Variants in SPECC1 observed in about 807,000 individuals in gnomAD.
The protein encoded by SPECC1 is sperm antigen with calponin homology and coiled-coil domains 1.
SPECC1 carries 62 observed loss-of-function variants against 104.1 expected under a neutral mutation model. That is an observed-to-expected ratio of 0.60 (90% CI 0.49 to 0.74). SPECC1 has a LOEUF of 0.74. SPECC1 is among the 30% of genes least tolerant of loss of function. SPECC1 has a pLI of 0.00. For synonymous variants in SPECC1, 513 were observed against 501.6 expected (o/e 1.02, Z -0.30); for missense variants, 1,306 against 1,310.5 (o/e 1.00, Z 0.05).
chr17:20,235,378 T>A (rs1441204436), intron 7 of SPECC1, among the ~76,000 whole-genome samples: 1 of 152,198 alleles, frequency 6.6e-6, no homozygotes, highest in Non-Finnish European at 1.5e-5. Flanking sequence ...AATAACTTTT[T>A]CAGCTCTGGC....
At chr17:20,098,410 C>G (rs1353586359) in intron 2 of SPECC1, among the ~76,000 whole-genome samples, 1 of 152,254 alleles carries the variant, frequency 6.6e-6, no homozygotes, top group African/African-American at 2.4e-5. Flanking sequence ...CCCCACCCTT[C>G]TGTGCCCTAG....
chr17:20,157,145 G>T (rs1310011592), intron 3 of SPECC1, among the ~76,000 whole-genome samples: 1 of 152,188 alleles, frequency 6.6e-6, no homozygotes, highest in Non-Finnish European at 1.5e-5. Context: ...GCTGGGTGCC[G>T]TGCTGTAGGA....
intron 1 of SPECC1, among the ~76,000 whole-genome samples, chr17:20,078,178 C>T (rs192402785): frequency 3.3e-4 from 50 of 150,348 alleles, no homozygotes; most frequent in African/African-American, 1.0e-3. Flanking sequence ...TCTTGGGAGA[C>T]AGGAAAGGTT....
intron 4 of SPECC1, among the ~76,000 whole-genome samples, chr17:20,210,306 A>G (rs1184515629): frequency 6.6e-6 from 1 of 151,952 alleles, no homozygotes; most frequent in African/African-American, 2.4e-5. Context: ...GCCAGGGGAC[A>G]CTCCCTCCAC....
At chr17:20,220,100 C>G (rs1402824756) in intron 4 of SPECC1, among the ~76,000 whole-genome samples, 1 of 152,066 alleles carries the variant, frequency 6.6e-6, no homozygotes, top group Admixed American at 6.5e-5. Context: ...AATTTGAAGT[C>G]AGATAATGTG....
At chr17:20,156,734 C>T (rs541559431) in intron 3 of SPECC1, among the ~76,000 whole-genome samples, 2 of 152,298 alleles carry the variant, frequency 1.3e-5, no homozygotes, top group Non-Finnish European at 2.9e-5. Context: ...TCGGGCGCGC[C>T]TCTGGTTATC....
At chr17:20,183,788 A>G (rs1416586867) in intron 3 of SPECC1, among the ~76,000 whole-genome samples, 1 of 152,026 alleles carries the variant, frequency 6.6e-6, no homozygotes, top group African/African-American at 2.4e-5. Flanking sequence ...TCCCCCAAAT[A>G]TGTTCTATCT....
At position 20,314,662 on chromosome 17, in the gene SPECC1, C is replaced by A; in HGVS notation, c.*597C>A. On this transcript the variant is annotated 3_prime_UTR_variant, in exon 15 of 15. Coordinates refer to ENST00000395527, the MANE Select transcript of SPECC1 (RefSeq NM_001243439.2). ...CTCAAAAAAATGATAAAACCCAAAA[C>A]TTTGCCCTTGTGAACCCTCCCTTCC... 4.4e-6 allele frequency: 1 copy of A among 228,126 alleles called. No homozygotes were observed. Among genetic ancestry groups the A allele is most frequent in the Non-Finnish European group, 8.6e-6 (1 of 115,648 alleles). The allele number at this position is 228,126 out of a possible 1,614,324, so 14.1% of individuals were successfully genotyped here.
intron 3 of SPECC1, among the ~76,000 whole-genome samples, chr17:20,179,927 G>T (rs1455306242): frequency 6.6e-6 from 1 of 152,148 alleles, no homozygotes; most frequent in Non-Finnish European, 1.5e-5. Flanking sequence ...AAATAGCGTG[G>T]AACTAAAAAT....
chr17:20,223,025 A>G (rs1350504114), intron 4 of SPECC1, among the ~76,000 whole-genome samples: 2 of 152,048 alleles, frequency 1.3e-5, no homozygotes, highest in Non-Finnish European at 2.9e-5. Context: ...TTACTTGGGC[A>G]AAGTCTGCTT....
At chr17:20,020,791 A>G (rs901606675) in intron 1 of SPECC1, among the ~76,000 whole-genome samples, 3 of 152,176 alleles carry the variant, frequency 2.0e-5, no homozygotes, top group Admixed American at 2.0e-4. Context: ...TCCCACTCTC[A>G]TTCTCTTCTC....
At chr17:20,209,912 G>C (rs866947903) in intron 4 of SPECC1, among the ~76,000 whole-genome samples, 1 of 152,214 alleles carries the variant, frequency 6.6e-6, no homozygotes, top group Admixed American at 6.5e-5. Context: ...TTATTCCCGT[G>C]AGGTTGAAGC....
chr17:20,096,603 C>A, intron 1 of SPECC1, 28 bp from the exon 2 acceptor site: 1 of 1,578,288 alleles, frequency 6.3e-7, no homozygotes, highest in Non-Finnish European at 8.6e-7. Flanking sequence ...GTGATGGAGA[C>A]ATGTTTTTCT....
intron 1 of SPECC1, among the ~76,000 whole-genome samples, chr17:20,026,535 G>A (rs1230418435): frequency 2.0e-5 from 3 of 151,784 alleles, no homozygotes; most frequent in Non-Finnish European, 4.4e-5. Context: ...AACATGTACT[G>A]TTTATCTTTT....
chr17:20,150,655 C>A (rs1028988996), intron 3 of SPECC1, among the ~76,000 whole-genome samples: 1 of 151,102 alleles, frequency 6.6e-6, no homozygotes, highest in Admixed American at 6.6e-5. Context: ...AAAAAAAGTG[C>A]TGGGATTACA....
chr17:20,219,120 A>G (rs1333603398), intron 4 of SPECC1, among the ~76,000 whole-genome samples: 2 of 152,218 alleles, frequency 1.3e-5, no homozygotes, highest in African/African-American at 4.8e-5. Context: ...TGGTGAGTGC[A>G]GATATCTCTT....
At position 20,204,501 on chromosome 17, in the gene SPECC1, C is replaced by G; in HGVS notation, c.452C>G (p.Ser151Cys). 6.2e-7 allele frequency: 1 copy of G among 1,614,128 alleles called. No homozygotes were observed. Among genetic ancestry groups the G allele is most frequent in the Non-Finnish European group, 8.5e-7 (1 of 1,180,030 alleles). Residue 151 changes from serine (S) to cysteine (C), a missense_variant, in exon 4 of 15, where the codon TCC becomes TGC. Physicochemically the swap from Ser to Cys is moderately radical, Grantham distance 112 (BLOSUM62 -1). Transcript: ENST00000395527. ...CCTACGAAACACCTGAGGACCCCTT[C>G]CACAAAGCCCAAGCAAGAGAATGAA... ...PTPTKHLRTP[S>C]TKPKQENEGG...
chr17:20,060,497 A>G (rs1278129314), intron 1 of SPECC1, among the ~76,000 whole-genome samples: 1 of 151,530 alleles, frequency 6.6e-6, no homozygotes, highest in Non-Finnish European at 1.5e-5. Flanking sequence ...AAATAAAAAA[A>G]TTTAAAAAGA....
At chr17:20,030,129 A>G (rs2044751336) in intron 1 of SPECC1, among the ~76,000 whole-genome samples, 1 of 152,146 alleles carries the variant, frequency 6.6e-6, no homozygotes, top group Non-Finnish European at 1.5e-5. Flanking sequence ...AAGCCACTCA[A>G]TTTGTGGTAG....
Sources: gnomAD v4.1 joint callset for allele counts (sites outside exome capture counted in the v4.1 genomes callset) on GRCh38, gnomAD v4.1.1 for gene constraint, MANE v1.5 for transcripts, NCBI Gene and HGNC (gene_info 2026-07-23, HGNC 2026-07-21) for gene names.